Variants in SGCZ observed in about 807,000 individuals in gnomAD.
The protein encoded by SGCZ is zeta-sarcoglycan.
In SGCZ, 40 loss-of-function variants were observed where a neutral mutation model predicts 41.3. That is an observed-to-expected ratio of 0.97 (90% CI 0.75 to 1.26). SGCZ has a LOEUF of 1.26. Ranked by LOEUF, SGCZ falls within the 50% of genes most tolerant of loss-of-function variation. SGCZ has a pLI of 0.00. For missense variants in SGCZ, 552 were observed against 369.8 expected, an observed-to-expected ratio of 1.49 and a Z score of -4.04; for synonymous variants, 206 against 137.5, an observed-to-expected ratio of 1.50 and a Z score of -3.49.
intron 1 of SGCZ, among the ~76,000 whole-genome samples, chr8:15,235,491 C>T (rs1441061500): frequency 6.6e-6 from 1 of 152,134 alleles, no homozygotes; most frequent in African/African-American, 2.4e-5. Context: ...TGCCAATATA[C>T]CCCCTCATGC....
chr8:14,933,911 G>A (rs992619591), intron 1 of SGCZ, among the ~76,000 whole-genome samples: 2 of 151,850 alleles, frequency 1.3e-5, no homozygotes, highest in African/African-American at 4.9e-5. Context: ...AACACACAGG[G>A]ACAAAATATA....
intron 2 of SGCZ, among the ~76,000 whole-genome samples, chr8:14,325,719 TACACAC>T (rs371412533): frequency 6.8e-5 from 6 of 87,842 alleles, no homozygotes; most frequent in South Asian, 4.2e-4. Context: ...CATATCTGTA[TACACAC>T]ACACACACAC....
intron 2 of SGCZ, among the ~76,000 whole-genome samples, chr8:14,407,999 C>T (rs1046311703): frequency 1.1e-4 from 17 of 152,176 alleles, no homozygotes; most frequent in Admixed American, 3.3e-4. Context: ...TAATGATAGA[C>T]TAATGATATG....
chr8:14,874,409 T>C (rs1340336887), intron 1 of SGCZ, among the ~76,000 whole-genome samples: 1 of 152,150 alleles, frequency 6.6e-6, no homozygotes, highest in Admixed American at 6.6e-5. Context: ...TAGATTATTT[T>C]TAATTTTAAC....
intron 3 of SGCZ, among the ~76,000 whole-genome samples, chr8:14,291,644 CAA>C (rs949904236): frequency 6.7e-6 from 1 of 149,550 alleles, no homozygotes; most frequent in African/African-American, 2.4e-5. Context: ...TTTTAGAAGA[CAA>C]AAAAATAAAA....
intron 1 of SGCZ, among the ~76,000 whole-genome samples, chr8:14,775,211 C>G (rs1800365446): frequency 6.6e-6 from 1 of 152,064 alleles, no homozygotes; most frequent in African/African-American, 2.4e-5. Context: ...AATACAAATT[C>G]TGATTGAGTT....
At chr8:14,807,409 A>T (rs1164986315) in intron 1 of SGCZ, among the ~76,000 whole-genome samples, 1 of 152,164 alleles carries the variant, frequency 6.6e-6, no homozygotes, top group Non-Finnish European at 1.5e-5. Context: ...AATGAGCAAA[A>T]ATGACAGGCA....
intron 3 of SGCZ, among the ~76,000 whole-genome samples, chr8:14,317,742 G>C (rs573879468): frequency 6.6e-6 from 1 of 151,714 alleles, no homozygotes; most frequent in Non-Finnish European, 1.5e-5. Context: ...TAGTGCAAAA[G>C]TAACTGTGAT....
At chr8:15,110,135 G>A (rs1563130969) in intron 1 of SGCZ, among the ~76,000 whole-genome samples, 1 of 152,162 alleles carries the variant, frequency 6.6e-6, no homozygotes. Flanking sequence ...ACGTTAGTGA[G>A]AATATTAAAT....
At position 15,236,378 on chromosome 8, in the gene SGCZ, C is replaced by T. The variant is rs2117220186; in HGVS notation, c.39+1207G>A. On this transcript the variant is annotated intron_variant, in intron 1 of 7. Transcript: ENST00000382080. ...GGATTTTGCAGCCTGCCTAGCTTGT[C>T]GGATAAACCCATTTCCTTGACATTT... Among the ~76,000 whole-genome samples the T allele has an allele frequency of 1.3e-5, 2 of 152,032 alleles. 1 individual carries two copies. The highest frequency in any genetic ancestry group is 4.1e-4 in the South Asian group (2 of 4,824).
intron 1 of SGCZ, among the ~76,000 whole-genome samples, chr8:14,623,762 G>C (rs1178196005): frequency 6.6e-6 from 1 of 152,088 alleles, no homozygotes; most frequent in Non-Finnish European, 1.5e-5. Flanking sequence ...TGTCACCGGG[G>C]TGCTGGGAGA....
intron 2 of SGCZ, among the ~76,000 whole-genome samples, chr8:14,537,754 C>T (rs1287614315): frequency 6.6e-6 from 1 of 151,784 alleles, no homozygotes. Context: ...AAGGTTTGTA[C>T]AGGGAAATTG....
At chr8:14,551,504 ATAT>A (rs1803829344) in intron 2 of SGCZ, among the ~76,000 whole-genome samples, 1 of 5,334 alleles carries the variant, frequency 1.9e-4, no homozygotes, top group African/African-American at 8.6e-4. Flanking sequence ...TATATTATAT[ATAT>A]TATATATATT....
intron 1 of SGCZ, among the ~76,000 whole-genome samples, chr8:15,129,064 C>A (rs191654430): frequency 8.3e-4 from 127 of 152,268 alleles, no homozygotes; most frequent in African/African-American, 3.0e-3. Context: ...TCTTCCTCCA[C>A]CTATAATCAT....
intron 3 of SGCZ, among the ~76,000 whole-genome samples, chr8:14,322,235 C>T (rs1386465023): frequency 6.6e-6 from 1 of 152,058 alleles, no homozygotes; most frequent in Non-Finnish European, 1.5e-5. Context: ...ACCAATGTGC[C>T]TGCCCATGCT....
intron 1 of SGCZ, among the ~76,000 whole-genome samples, chr8:14,708,631 C>A (rs533851709): frequency 5.3e-5 from 8 of 152,074 alleles, no homozygotes; most frequent in Non-Finnish European, 8.8e-5. Flanking sequence ...TTTTAACAAT[C>A]AGTTTGAAAA....
intron 3 of SGCZ, among the ~76,000 whole-genome samples, chr8:14,310,227 T>C (rs1221697357): frequency 6.6e-6 from 1 of 152,168 alleles, no homozygotes; most frequent in East Asian, 1.9e-4. Context: ...GTGATTCTGA[T>C]TTCAGTTTTT....
At chr8:14,926,573 G>A (rs1424070603) in intron 1 of SGCZ, among the ~76,000 whole-genome samples, 2 of 151,692 alleles carry the variant, frequency 1.3e-5, no homozygotes, top group African/African-American at 4.8e-5. Context: ...ATATTTCTTG[G>A]GGAAATATAT....
chr8:14,335,380 C>G (rs1802473284), intron 2 of SGCZ, among the ~76,000 whole-genome samples: 1 of 152,036 alleles, frequency 6.6e-6, no homozygotes, highest in South Asian at 2.1e-4. Flanking sequence ...CCCTTGAATT[C>G]CAAGGATGAA....
Sources: allele counts gnomAD v4.1 joint callset (sites outside exome capture counted in the v4.1 genomes callset), GRCh38; gene constraint gnomAD v4.1.1; transcripts MANE v1.5; gene names NCBI Gene and HGNC (gene_info 2026-07-23, HGNC 2026-07-21).